OTOG: variants seen among roughly 807,000 people sequenced by gnomAD.
OTOG encodes otogelin.
In OTOG, 296 loss-of-function variants were observed where a neutral mutation model predicts 313.8. The observed-to-expected ratio is 0.94, with a 90% CI of 0.86 to 1.04. The LOEUF is 1.04. OTOG is among the 50% of genes least tolerant of loss of function. The pLI, the probability that OTOG is intolerant of heterozygous loss-of-function variation, is 0.00. For missense variants in OTOG, 3,948 were observed against 3,840.1 expected (o/e 1.03, Z -0.74); for synonymous variants, 1,533 against 1,554.9 (o/e 0.99, Z 0.33).
At chr11:17,635,495 T>C (rs1854242780) in intron 46 of OTOG, 115 bp from the exon 47 acceptor site, 2 of 766,046 alleles carry the variant, frequency 2.6e-6, no homozygotes, top group African/African-American at 3.4e-5. Context: ...ATGCTGCCAT[T>C]AGTTAGCTCC....
At chr11:17,625,082 T>C (rs896575200) in intron 39 of OTOG, among the ~76,000 whole-genome samples, 7 of 152,210 alleles carry the variant, frequency 4.6e-5, no homozygotes, top group Non-Finnish European at 1.0e-4. Context: ...TTTCTAGATA[T>C]AGGATCATGT....
At chr11:17,589,742 G>A (rs1329339989) in intron 24 of OTOG, among the ~76,000 whole-genome samples, 6 of 152,056 alleles carry the variant, frequency 3.9e-5, no homozygotes, top group Non-Finnish European at 8.8e-5. Flanking sequence ...TCCCCTTTAA[G>A]CCCTTTCGGT....
chr11:17,561,805 C>G lies in OTOG; in HGVS notation c.1642C>G (p.Leu548Val). ...GACATTGCAGAATGCCCCATGTGGC[C>G]TGGTAAGAGCTGGGGATCCCCAGGC... ...TVTLQNAPCGLNQDGACVQSV... is the reference protein window; with the variant it reads ...TVTLQNAPCGVNQDGACVQSV... The change falls in exon 15 of 56, where the codon CTG (leucine) becomes GTG (valine). Residue 548 changes from leucine (L) to valine (V), a missense_variant and splice_region_variant. Leu to Val is a conservative substitution (Grantham distance 32, BLOSUM62 1). Coordinates refer to ENST00000399397, the MANE Select transcript of OTOG (RefSeq NM_001292063.2). 1 of 1,550,284 alleles carries G rather than the reference C, an allele frequency of 6.5e-7. No homozygotes were observed. Among genetic ancestry groups the G allele is most frequent in the Non-Finnish European group, 8.7e-7 (1 of 1,146,928 alleles).
At chr11:17,558,737 G>C in intron 10 of OTOG, 93 bp downstream of exon 10, 1 of 1,249,716 alleles carries the variant, frequency 8.0e-7, no homozygotes, top group Non-Finnish European at 1.1e-6. Flanking sequence ...CCCAGGCACT[G>C]CCAGATCTGC....
At position 17,634,679 on chromosome 11, in the gene OTOG, C is replaced by T. The variant is rs544120127; in HGVS notation, c.7481-165C>T. On this transcript the variant is annotated intron_variant, in intron 44 of 55. Transcript: ENST00000399397. ...TGATCTTCTGTCCCAGCCCTGAACC[C>T]TCGTGTGACCCTCAATGACCTCATC... 6.0e-4 allele frequency among the ~76,000 whole-genome samples: 92 copies of T among 152,218 alleles called. 4 individuals are homozygous for T. The South Asian group carries it at 0.013, about 21-fold the overall frequency.
chr11:17,613,599 G>T lies in OTOG; in HGVS notation c.6439-13G>T. On this transcript the variant is annotated splice_polypyrimidine_tract_variant and intron_variant, in intron 38 of 55. Coordinates refer to ENST00000399397, the MANE Select transcript of OTOG (RefSeq NM_001292063.2). Reference sequence around the variant, plus strand: ...AGGGCTCCAAGTTGATGAGGGCTGGGTTCTCTCTGCAGGGGCACCTGAACT... The same window carrying T: ...AGGGCTCCAAGTTGATGAGGGCTGGTTTCTCTCTGCAGGGGCACCTGAACT... The T allele has an allele frequency of 6.5e-7, 1 of 1,550,136 alleles. No individual in the cohort carries two copies. The highest frequency in any genetic ancestry group is 2.4e-5 in the East Asian group (1 of 40,864).
At chr11:17,632,290 G>T in intron 42 of OTOG, 64 bp downstream of exon 42, 1 of 1,486,000 alleles carries the variant, frequency 6.7e-7, no homozygotes, top group Non-Finnish European at 9.0e-7. Context: ...GTTAAAGTGG[G>T]AAAAGGCTCC....
At chr11:17,639,024 GC>G in intron 48 of OTOG, 1 of 334,592 alleles carries the variant, frequency 3.0e-6, no homozygotes, top group Non-Finnish European at 5.8e-6. Flanking sequence ...CTGCACTCCA[GC>G]CTGGGCGACA....
intron 39 of OTOG, among the ~76,000 whole-genome samples, chr11:17,617,515 T>C (rs1853751084): frequency 6.6e-6 from 1 of 152,230 alleles, no homozygotes; most frequent in Non-Finnish European, 1.5e-5. Context: ...TATATATTTC[T>C]TCTTTGGTAA....
At chr11:17,555,027 T>C (rs1364946806) in intron 6 of OTOG, among the ~76,000 whole-genome samples, 2 of 152,220 alleles carry the variant, frequency 1.3e-5, no homozygotes, top group East Asian at 1.9e-4. Context: ...CCACTTGTAG[T>C]TGAAGTGGCT....
At chr11:17,555,744 G>A (rs1852043361) in intron 6 of OTOG, 35 bp from the exon 7 acceptor site, 1 of 1,517,710 alleles carries the variant, frequency 6.6e-7, no homozygotes, top group Non-Finnish European at 8.9e-7. Context: ...CCTGTGGCAG[G>A]AGCCTGCAAA....
chr11:17,559,212 A>G, intron 11 of OTOG, 51 bp downstream of exon 11: 3 of 1,323,078 alleles, frequency 2.3e-6, no homozygotes, highest in Non-Finnish European at 3.1e-6. Flanking sequence ...TGTGGGTGGC[A>G]TTCTCAGGCC....
rs2134025769 is a variant in OTOG at position 17,572,203 on chromosome 11, CGGTGAGTTGGT to C, written c.2080+2_2080+12del. On this transcript the variant is annotated splice_donor_variant and splice_donor_5th_base_variant and coding_sequence_variant and intron_variant, in exon 18 of 56. Coordinates refer to ENST00000399397, the MANE Select transcript of OTOG (RefSeq NM_001292063.2). LOFTEE classifies it high-confidence loss of function. ...ACCCCTGCGATGTGCACCTGCAAGC[CGGTGAGTTGGT>C]GGGGGAAGAGGAGAGGCATGGTTGA... 6.5e-7 allele frequency: 1 copy of C among 1,550,254 alleles called. No individual in the cohort carries two copies. Among genetic ancestry groups the C allele is most frequent in the Non-Finnish European group, 8.7e-7 (1 of 1,146,802 alleles).
rs566487781 is a variant in OTOG at position 17,611,674 on chromosome 11, G to A, written c.6123+251G>A. Among the ~76,000 whole-genome samples, 101 of 152,340 alleles carry A rather than the reference G, an allele frequency of 6.6e-4. No homozygotes were observed. In the Middle Eastern group the frequency reaches 0.014, roughly 21 times the overall value. On this transcript the variant is annotated intron_variant, in intron 36 of 55. Transcript: ENST00000399397. Reference sequence around the variant, plus strand: ...TGACAATGTGTGTGTGCTAGTGTGTGCCTGTGTGAGACTGCTGTGTGTGTT... The same window carrying A: ...TGACAATGTGTGTGTGCTAGTGTGTACCTGTGTGAGACTGCTGTGTGTGTT...
At position 17,578,386 on chromosome 11, in the gene OTOG, A is replaced by G. The variant is rs1482816026; in HGVS notation, c.2619A>G (p.Pro873=). 6.6e-7 allele frequency: 1 copy of G among 1,521,278 alleles called. No homozygotes were observed. The highest frequency in any genetic ancestry group is 1.4e-5 in the African/African-American group (1 of 72,690). 94.2% of individuals were successfully genotyped at this position (1,521,278 alleles called of 1,614,324 possible). A position where few individuals can be genotyped will look rare whatever the true frequency, so the allele number is the denominator to read the frequency against. The part of the protein sequence containing the change: ...CDSRAPAAAC[P]AGQVFVNCSD... ...CTTCTCTTCCAGCTGCTGCCTGCCC[A>G]GCAGGCCAGGTCTTCGTGAACTGCA... is the stretch of plus-strand genomic sequence containing the variant. Residue 873 remains proline, a synonymous_variant, in exon 23 of 56, where the codon CCA becomes CCG. Transcript: ENST00000399397.
chr11:17,593,578 G>C, intron 26 of OTOG, 32 bp from the exon 27 acceptor site: 1 of 1,543,548 alleles, frequency 6.5e-7, no homozygotes, highest in Non-Finnish European at 8.8e-7. Context: ...GGGGGCACTT[G>C]GGCTCAGGAC....
At chr11:17,558,486 CTG>C in intron 9 of OTOG, 50 bp from the exon 10 acceptor site, 6 of 1,543,076 alleles carry the variant, frequency 3.9e-6, no homozygotes, top group Middle Eastern at 1.7e-4. Flanking sequence ...CTGTGTGGGG[CTG>C]TGTGTGGCTT....
chr11:17,551,385 G>A (rs557667374), intron 3 of OTOG, among the ~76,000 whole-genome samples: 1 of 152,252 alleles, frequency 6.6e-6, no homozygotes, highest in East Asian at 1.9e-4. Flanking sequence ...CTGGAAAATA[G>A]GGTTTCTAAG....
At chr11:17,587,213 G>A (rs1275011412) in intron 24 of OTOG, among the ~76,000 whole-genome samples, 2 of 152,208 alleles carry the variant, frequency 1.3e-5, no homozygotes, top group African/African-American at 4.8e-5. Flanking sequence ...GTTTAGTAAT[G>A]TAAGTGTGCA....
Sources: allele counts gnomAD v4.1 joint callset (sites outside exome capture counted in the v4.1 genomes callset), GRCh38; gene constraint gnomAD v4.1.1; transcripts MANE v1.5; gene names NCBI Gene and HGNC (gene_info 2026-07-23, HGNC 2026-07-21).